Variants in APBA1 observed in about 807,000 individuals in gnomAD.
The protein encoded by APBA1 is amyloid-beta A4 precursor protein-binding family A member 1.
In APBA1, 55 loss-of-function variants were observed where a neutral mutation model predicts 86.6. That is an observed-to-expected ratio of 0.64 (90% CI 0.51 to 0.80). APBA1 has a LOEUF of 0.80. Ranked by LOEUF, APBA1 falls within the 30% of genes least tolerant of loss-of-function variation. APBA1 has a pLI of 0.00. For missense variants in APBA1, 1,090 were observed against 1,183.0 expected, an observed-to-expected ratio of 0.92 and a Z score of 1.15; for synonymous variants, 511 against 493.9, an observed-to-expected ratio of 1.03 and a Z score of -0.46.
intron 1 of APBA1, among the ~76,000 whole-genome samples, chr9:69,643,874 C>T (rs974193568): frequency 7.9e-5 from 12 of 152,190 alleles, no homozygotes; most frequent in African/African-American, 2.4e-4. Flanking sequence ...CATTGTAGTA[C>T]CCACTGTCTC....
chr9:69,670,632 A>G (rs913964310), intron 1 of APBA1, among the ~76,000 whole-genome samples: 1 of 152,084 alleles, frequency 6.6e-6, no homozygotes, highest in African/African-American at 2.4e-5. Context: ...CTCCCTGCCT[A>G]CCTCTACCCA....
chr9:69,498,060 T>A (rs1835827089), intron 2 of APBA1, among the ~76,000 whole-genome samples: 1 of 151,964 alleles, frequency 6.6e-6, no homozygotes, highest in African/African-American at 2.4e-5. Context: ...TCTTGGGTAA[T>A]CTCCTCCCTG....
At chr9:69,564,889 T>A (rs1482604392) in intron 1 of APBA1, among the ~76,000 whole-genome samples, 2 of 152,168 alleles carry the variant, frequency 1.3e-5, no homozygotes, top group Non-Finnish European at 2.9e-5. Flanking sequence ...GCAGCATTAT[T>A]CACAACAGTC....
rs551603453 is a variant in APBA1 at position 69,637,598 on chromosome 9, T to C, written c.-70+34555A>G. ...CATTGGCTCAAATAGGTAAAACAGA[T>C]GAAATACGCTTCCATACCGTGGCAC... On this transcript the variant is annotated intron_variant, in intron 1 of 12. Coordinates refer to ENST00000265381, the MANE Select transcript of APBA1 (RefSeq NM_001163.4). Among the ~76,000 whole-genome samples the C allele has an allele frequency of 7.2e-5, 11 of 152,326 alleles. No individual in the cohort carries two copies. In the South Asian group the frequency reaches 2.3e-3, roughly 32 times the overall value.
intron 10 of APBA1, among the ~76,000 whole-genome samples, chr9:69,447,728 T>A (rs936469177): frequency 4.6e-5 from 7 of 151,998 alleles, no homozygotes; most frequent in Non-Finnish European, 8.8e-5. Flanking sequence ...GTACAATGGG[T>A]ACAAAATAGT....
intron 8 of APBA1, among the ~76,000 whole-genome samples, chr9:69,456,040 C>T (rs1485916428): frequency 1.3e-5 from 2 of 152,140 alleles, no homozygotes; most frequent in African/African-American, 4.8e-5. Flanking sequence ...AGTATATTTA[C>T]CTATTGATTT....
intron 1 of APBA1, among the ~76,000 whole-genome samples, chr9:69,525,735 A>G (rs28842508): frequency 0.18 from 27,999 of 152,134 alleles, 2,631 homozygotes; most frequent in Admixed American, 0.23. Flanking sequence ...TAAAATTTAT[A>G]CGGAACCACA....
At chr9:69,558,022 T>C (rs890224154) in intron 1 of APBA1, among the ~76,000 whole-genome samples, 1 of 152,232 alleles carries the variant, frequency 6.6e-6, no homozygotes, top group African/African-American at 2.4e-5. Context: ...TCTCTGATTA[T>C]AATTATGAAT....
intron 8 of APBA1, among the ~76,000 whole-genome samples, chr9:69,453,438 T>C (rs966259210): frequency 4.6e-5 from 7 of 152,350 alleles, no homozygotes; most frequent in African/African-American, 1.4e-4. Context: ...AGCTTTTCCC[T>C]GCATTAATTA....
chr9:69,439,862 GT>G (rs1188173199), intron 11 of APBA1, among the ~76,000 whole-genome samples: 2 of 152,164 alleles, frequency 1.3e-5, no homozygotes, highest in Non-Finnish European at 2.9e-5. Context: ...AGGTGCTCTG[GT>G]TTGTAGAGTT....
intron 1 of APBA1, among the ~76,000 whole-genome samples, chr9:69,632,640 A>G (rs1480932633): frequency 1.3e-5 from 2 of 152,138 alleles, no homozygotes; most frequent in African/African-American, 2.4e-5. Flanking sequence ...AATAATGACC[A>G]CTACTATTAT....
chr9:69,561,350 G>A (rs1204540252), intron 1 of APBA1, among the ~76,000 whole-genome samples: 1 of 152,214 alleles, frequency 6.6e-6, no homozygotes, highest in African/African-American at 2.4e-5. Context: ...CTTACTGACT[G>A]GGTGGAGGAA....
At chr9:69,632,234 C>T (rs1823062001) in intron 1 of APBA1, among the ~76,000 whole-genome samples, 1 of 151,962 alleles carries the variant, frequency 6.6e-6, no homozygotes, top group Non-Finnish European at 1.5e-5. Context: ...CCTTATAAAC[C>T]CAAAATTCTT....
At chr9:69,638,138 A>G (rs960303524) in intron 1 of APBA1, among the ~76,000 whole-genome samples, 2 of 152,240 alleles carry the variant, frequency 1.3e-5, no homozygotes, top group Non-Finnish European at 2.9e-5. Flanking sequence ...ATATGTTGCT[A>G]AAGAGCTGTA....
At chr9:69,444,701 C>T (rs929401092) in intron 10 of APBA1, among the ~76,000 whole-genome samples, 8 of 152,172 alleles carry the variant, frequency 5.3e-5, no homozygotes, top group Non-Finnish European at 1.0e-4. Flanking sequence ...CTAGGAGGTA[C>T]GGTGGAGAGC....
chr9:69,628,535 G>A (rs1041910760), intron 1 of APBA1, among the ~76,000 whole-genome samples: 1 of 152,156 alleles, frequency 6.6e-6, no homozygotes, highest in African/African-American at 2.4e-5. Context: ...AAATAATCAC[G>A]GGAAGAAATA....
intron 1 of APBA1, among the ~76,000 whole-genome samples, chr9:69,581,079 C>A (rs905361616): frequency 1.3e-5 from 2 of 152,132 alleles, no homozygotes; most frequent in Admixed American, 1.3e-4. Context: ...GGATACACCC[C>A]ACAAACGGCG....
chr9:69,627,800 G>GA (rs1266125965), intron 1 of APBA1, among the ~76,000 whole-genome samples: 1 of 152,058 alleles, frequency 6.6e-6, no homozygotes, highest in Non-Finnish European at 1.5e-5. Flanking sequence ...CCCACAACTA[G>GA]AAAAAATAAG....
At chr9:69,515,380 C>G (rs1196784672) in intron 2 of APBA1, among the ~76,000 whole-genome samples, 1 of 152,112 alleles carries the variant, frequency 6.6e-6, no homozygotes, top group African/African-American at 2.4e-5. Context: ...GAAACATTCT[C>G]TGATCCACAG....
Sources: allele counts gnomAD v4.1 joint callset (sites outside exome capture counted in the v4.1 genomes callset), GRCh38; gene constraint gnomAD v4.1.1; transcripts MANE v1.5; gene names NCBI Gene and HGNC (gene_info 2026-07-23, HGNC 2026-07-21).